TYW1: variants seen among roughly 807,000 people sequenced by gnomAD.
The protein encoded by TYW1 is tRNA-yW synthesizing protein 1 homolog.
A neutral mutation model predicts 96.2 loss-of-function variants in TYW1; 46 were observed. The ratio of observed to expected loss-of-function variants is 0.48; its 90% CI spans 0.38 to 0.61. TYW1 has a LOEUF of 0.61. TYW1 is among the 20% of genes least tolerant of loss of function. The probability of loss-of-function intolerance (pLI) is 0.00; values close to 1 mark genes in which losing one functional copy is unlikely to be tolerated. For synonymous variants in TYW1, 274 were observed against 323.0 expected, an observed-to-expected ratio of 0.85 and a Z score of 1.63; for missense variants, 684 against 909.6, an observed-to-expected ratio of 0.75 and a Z score of 3.19.
chr7:67,207,763 C>T (rs1446696120), intron 15 of TYW1, among the ~76,000 whole-genome samples: 2 of 143,412 alleles, frequency 1.4e-5, no homozygotes, highest in Admixed American at 7.2e-5. Flanking sequence ...TTCTGTCTCC[C>T]AGGCTGGAGT....
chr7:67,162,474 C>G (rs1168012297), intron 13 of TYW1, among the ~76,000 whole-genome samples: 2 of 152,134 alleles, frequency 1.3e-5, no homozygotes, highest in Non-Finnish European at 2.9e-5. Flanking sequence ...TAGACCTGCT[C>G]TAAGGCATAT....
chr7:67,163,640 G>A (rs1469082093), intron 13 of TYW1, among the ~76,000 whole-genome samples: 2 of 151,224 alleles, frequency 1.3e-5, no homozygotes, highest in Non-Finnish European at 2.9e-5. Flanking sequence ...TCTACTCTCT[G>A]CCAAATTTCT....
At chr7:67,192,926 G>A (rs1292594052) in intron 14 of TYW1, among the ~76,000 whole-genome samples, 5 of 152,146 alleles carry the variant, frequency 3.3e-5, no homozygotes, top group Admixed American at 3.3e-4. Flanking sequence ...GAAAGTCCTC[G>A]GACACGCGCA....
At chr7:67,115,672 C>T (rs1199152896) in intron 12 of TYW1, among the ~76,000 whole-genome samples, 1 of 152,072 alleles carries the variant, frequency 6.6e-6, no homozygotes, top group African/African-American at 2.4e-5. Context: ...TTAATATCTG[C>T]CTGTGTGGCT....
chr7:67,117,594 C>T lies in TYW1; in HGVS notation c.1674C>T (p.Asp558=), dbSNP rs746992991. ...AGGATTTCTGGCAGAGATTCCTTGA[C>T]AGTTTAAAAGCCTTGGCAGTCAAGG... ...LFKDFWQRFL[D]SLKALAVKQQ... The change falls in exon 13 of 16, where the codon GAC becomes GAT. Residue 558 remains aspartate, a synonymous_variant. Coordinates refer to ENST00000359626, the MANE Select transcript of TYW1 (RefSeq NM_018264.4). 4 of 1,613,612 alleles carry T rather than the reference C, an allele frequency of 2.5e-6. No individual in the cohort carries two copies. Among genetic ancestry groups the T allele is most frequent in the South Asian group, 1.1e-5 (1 of 90,930 alleles).
intron 9 of TYW1, among the ~76,000 whole-genome samples, chr7:67,058,881 T>A (rs1407473759): frequency 6.6e-6 from 1 of 152,148 alleles, no homozygotes; most frequent in Non-Finnish European, 1.5e-5. Context: ...TCTGCCAATA[T>A]GGATATCCAG....
intron 13 of TYW1, among the ~76,000 whole-genome samples, chr7:67,141,960 G>A (rs1232116392): frequency 3.9e-5 from 6 of 152,256 alleles, no homozygotes; most frequent in Admixed American, 1.3e-4. Flanking sequence ...GCTTGAACCC[G>A]GGAGGTGGAG....
intron 10 of TYW1, among the ~76,000 whole-genome samples, chr7:67,081,841 G>T (rs1796403886): frequency 1.4e-5 from 2 of 137,974 alleles, no homozygotes; most frequent in Non-Finnish European, 1.6e-5. Flanking sequence ...GGTCTGACTG[G>T]GTCATTTCAA....
intron 13 of TYW1, among the ~76,000 whole-genome samples, chr7:67,122,807 C>G (rs765767521): frequency 6.6e-6 from 1 of 152,144 alleles, no homozygotes; most frequent in Non-Finnish European, 1.5e-5. Context: ...ATCCTAGAGG[C>G]CTGAGAGTCA....
At chr7:67,162,313 C>CAAAAAAAAAAAAAAAAAAAAAAAAAAAA (rs60661089) in intron 13 of TYW1, among the ~76,000 whole-genome samples, 1 of 102,172 alleles carries the variant, frequency 9.8e-6, no homozygotes, top group Non-Finnish European at 2.0e-5. Flanking sequence ...GACTCTGTCT[C>CAAAAAAAAAAAAAAAAAAAAAAAAAAAA]AAAAAAAAAA....
At chr7:67,032,055 C>T (rs528673686) in intron 7 of TYW1, among the ~76,000 whole-genome samples, 49 of 151,558 alleles carry the variant, frequency 3.2e-4, no homozygotes, top group Admixed American at 5.9e-4. Flanking sequence ...TAAACAATAA[C>T]AACAAAAAAA....
intron 8 of TYW1, among the ~76,000 whole-genome samples, chr7:67,050,980 C>T (rs1795337630): frequency 6.6e-6 from 1 of 152,018 alleles, no homozygotes; most frequent in South Asian, 2.1e-4. Flanking sequence ...CAACCTCTGC[C>T]TCCTGGGTTC....
intron 9 of TYW1, among the ~76,000 whole-genome samples, chr7:67,066,002 TACACACACAC>T (rs778159395): frequency 2.1e-5 from 2 of 93,134 alleles, no homozygotes; most frequent in Admixed American, 2.1e-4. Flanking sequence ...AGAGTGAGAC[TACACACACAC>T]ACACACACAC....
rs192430783 is a variant in TYW1 at position 67,010,551 on chromosome 7, C to G, written c.375+867C>G. 2.0e-5 allele frequency among the ~76,000 whole-genome samples: 3 copies of G among 151,756 alleles called. No individual in the cohort carries two copies. In the East Asian group the frequency reaches 5.8e-4, roughly 30 times the overall value. ...AGTGTAGTGGCGCGATCTCAGCTCACTGCAAGCTCCGCCTCCCGGGTTCAC... is the reference window on the plus strand; with the variant it reads ...AGTGTAGTGGCGCGATCTCAGCTCAGTGCAAGCTCCGCCTCCCGGGTTCAC... On this transcript the variant is annotated intron_variant, in intron 4 of 15. Coordinates refer to ENST00000359626, the MANE Select transcript of TYW1 (RefSeq NM_018264.4).
intron 12 of TYW1, among the ~76,000 whole-genome samples, chr7:67,101,378 C>T (rs541331916): frequency 2.6e-5 from 4 of 152,078 alleles, no homozygotes; most frequent in East Asian, 1.9e-4. Flanking sequence ...CTTGAAGTGG[C>T]GGGGTTTGTC....
intron 10 of TYW1, among the ~76,000 whole-genome samples, chr7:67,077,894 G>A (rs989349862): frequency 1.2e-4 from 19 of 152,126 alleles, no homozygotes; most frequent in East Asian, 5.8e-4. Flanking sequence ...CGTTTATGTC[G>A]TTAATCTGTC....
At chr7:67,199,389 C>G (rs1800514558) in intron 15 of TYW1, among the ~76,000 whole-genome samples, 1 of 152,170 alleles carries the variant, frequency 6.6e-6, no homozygotes, top group Admixed American at 6.5e-5. Flanking sequence ...CAGCCAACTA[C>G]TTTGACCCAG....
chr7:67,059,085 A>G (rs1388117071), intron 9 of TYW1, among the ~76,000 whole-genome samples: 2 of 151,016 alleles, frequency 1.3e-5, no homozygotes, highest in African/African-American at 4.9e-5. Context: ...GTATAAGTCA[A>G]TGAAGACAAA....
chr7:67,060,315 A>G (rs1328759222), intron 9 of TYW1, among the ~76,000 whole-genome samples: 3 of 152,164 alleles, frequency 2.0e-5, no homozygotes, highest in Non-Finnish European at 4.4e-5. Context: ...ACCTCAAGTG[A>G]TCCGTCCGCC....
Sources: allele counts gnomAD v4.1 joint callset (sites outside exome capture counted in the v4.1 genomes callset), GRCh38; gene constraint gnomAD v4.1.1; transcripts MANE v1.5; gene names NCBI Gene and HGNC (gene_info 2026-07-23, HGNC 2026-07-21).